The following SORBS2 variants were observed in gnomAD, a reference collection of about 807,000 sequenced individuals.
The protein encoded by SORBS2 is sorbin and SH3 domain containing 2.
SORBS2 carries 46 observed loss-of-function variants against 97.7 expected under a neutral mutation model. The observed-to-expected ratio is 0.47, with a 90% CI of 0.37 to 0.60. The LOEUF is 0.60. Ranked by LOEUF, SORBS2 falls within the 20% of genes least tolerant of loss-of-function variation. SORBS2 has a pLI of 0.00. For synonymous variants in SORBS2, 476 were observed against 473.4 expected (o/e 1.01, Z -0.07); for missense variants, 1,316 against 1,282.3 (o/e 1.03, Z -0.40).
At chr4:185,620,262 A>G in intron 7 of SORBS2, 111 bp from the exon 20 acceptor site, 1 of 742,718 alleles carries the variant, frequency 1.3e-6, no homozygotes, top group Non-Finnish European at 2.5e-6. Context: ...TTGGAGAGAC[A>G]CCGTTATCGA....
At chr4:185,663,459 T>G (rs1003240093) in intron 4 of SORBS2, among the ~76,000 whole-genome samples, 1 of 152,224 alleles carries the variant, frequency 6.6e-6, no homozygotes, top group Non-Finnish European at 1.5e-5. Context: ...GCTTATTGAT[T>G]AAATAATTCT....
intron 2 of SORBS2, chr4:185,651,790 T>A: frequency 6.6e-7 from 1 of 1,508,026 alleles, no homozygotes. Context: ...CTACCTGCAT[T>A]GTATGTATAA....
intron 2 of SORBS2, among the ~76,000 whole-genome samples, chr4:185,762,646 G>T (rs2098904527): frequency 6.6e-6 from 1 of 152,186 alleles, no homozygotes; most frequent in Non-Finnish European, 1.5e-5. Flanking sequence ...TAATCTAAAA[G>T]ACTTGTCTCC....
At chr4:185,727,442 C>G (rs1456717443) in intron 2 of SORBS2, among the ~76,000 whole-genome samples, 2 of 152,160 alleles carry the variant, frequency 1.3e-5, no homozygotes, top group Non-Finnish European at 2.9e-5. Flanking sequence ...ACGTTTGTGT[C>G]AGGCATTTAT....
chr4:185,846,134 C>T (rs2099214391), intron 1 of SORBS2, among the ~76,000 whole-genome samples: 1 of 152,148 alleles, frequency 6.6e-6, no homozygotes, highest in Admixed American at 6.5e-5. Flanking sequence ...GTCACTAAAA[C>T]CTGGAAACAA....
At chr4:185,836,387 T>G (rs924140679) in intron 1 of SORBS2, among the ~76,000 whole-genome samples, 1 of 152,176 alleles carries the variant, frequency 6.6e-6, no homozygotes, top group African/African-American at 2.4e-5. Context: ...GGTCAGTTTA[T>G]AGGAGAGGTC....
At chr4:185,677,574 C>A (rs963937771) in intron 4 of SORBS2, 4 of 1,542,824 alleles carry the variant, frequency 2.6e-6, no homozygotes, top group African/African-American at 2.7e-5. Context: ...TAAAATGACA[C>A]CCTTTGTGTG....
intron 2 of SORBS2, among the ~76,000 whole-genome samples, chr4:185,755,788 A>C (rs773297109): frequency 2.6e-5 from 4 of 152,180 alleles, no homozygotes; most frequent in Non-Finnish European, 4.4e-5. Context: ...CCCTTTAACT[A>C]TACATAAGAA....
intron 4 of SORBS2, among the ~76,000 whole-genome samples, chr4:185,668,800 T>C (rs2097661375): frequency 6.6e-6 from 1 of 152,212 alleles, no homozygotes; most frequent in South Asian, 2.1e-4. Context: ...GGTCTCCTTC[T>C]TTTCAAGACC....
chr4:185,842,930 TAAAAAA>T (rs56193107), intron 1 of SORBS2, among the ~76,000 whole-genome samples: 1 of 122,386 alleles, frequency 8.2e-6, no homozygotes, highest in African/African-American at 3.1e-5. Context: ...AAAGACTGTC[TAAAAAA>T]AAAAAAAAAA....
At chr4:185,851,593 T>C (rs971738065) in intron 1 of SORBS2, among the ~76,000 whole-genome samples, 5 of 152,152 alleles carry the variant, frequency 3.3e-5, no homozygotes, top group African/African-American at 9.7e-5. Context: ...AAAGTGTTAA[T>C]CCTGGGTGTG....
At chr4:185,913,721 T>C (rs2099256581) in intron 1 of SORBS2, among the ~76,000 whole-genome samples, 1 of 152,200 alleles carries the variant, frequency 6.6e-6, no homozygotes, top group Non-Finnish European at 1.5e-5. Context: ...ATTTTAAAAC[T>C]AGAAGAGATT....
rs146392392 is a variant in SORBS2, at chr4:185,717,394, C to G, written c.-197-38572G>C. ...GAGACTAAGGGAGCCATGGATATCT[C>G]TGTAGCAGAAACATGGCAACTATTA... On this transcript the variant is annotated intron_variant, in intron 2 of 20. Transcript: ENST00000284776. 9.1e-4 allele frequency among the ~76,000 whole-genome samples: 138 copies of G among 152,346 alleles called. 1 individual carries two copies. The highest frequency in any genetic ancestry group is 2.8e-3 in the Admixed American group (43 of 15,302).
At position 185,905,439 on chromosome 4, in the gene SORBS2, G is replaced by A. The variant is rs549015384; in HGVS notation, c.-338+50757C>T. 9.2e-5 allele frequency among the ~76,000 whole-genome samples: 14 copies of A among 152,246 alleles called. No homozygotes were observed. The South Asian group carries it at 2.9e-3, about 32-fold the overall frequency. Reference sequence around the variant, plus strand: ...TTTTTATACAGAGGTCTACTAAAATGTTTTGGCTCTGAAAAATGACTCTCA... The same window carrying A: ...TTTTTATACAGAGGTCTACTAAAATATTTTGGCTCTGAAAAATGACTCTCA... On this transcript the variant is annotated intron_variant, in intron 1 of 20. Transcript: ENST00000284776.
rs766186495 is a variant in SORBS2 at position 185,626,768 on chromosome 4, C to T, written c.634+64G>A. ...ATGCCACTATCACTGGGCCAGCTTT[C>T]ACACAGTGCTCTAGGCTAAAACGTA... On this transcript the variant is annotated intron_variant, in intron 6 of 14. Coordinates refer to ENST00000418609, the Ensembl canonical transcript of SORBS2. 4.0e-6 allele frequency: 6 copies of T among 1,513,930 alleles called. No individual in the cohort carries two copies. In the East Asian group the frequency reaches 9.0e-5, roughly 23 times the overall value. The allele number at this position is 1,513,930 out of a possible 1,614,324, so 93.8% of individuals were successfully genotyped here.
At chr4:185,915,367 T>C (rs941939971) in intron 1 of SORBS2, among the ~76,000 whole-genome samples, 2 of 152,140 alleles carry the variant, frequency 1.3e-5, no homozygotes, top group African/African-American at 4.8e-5. Context: ...AAAATGAAGG[T>C]CTTGGGAACA....
chr4:185,848,755 G>C (rs1455142664), intron 1 of SORBS2, among the ~76,000 whole-genome samples: 1 of 150,064 alleles, frequency 6.7e-6, no homozygotes, highest in Admixed American at 6.7e-5. Flanking sequence ...TGGGACTACA[G>C]GCAGCCACCA....
intron 1 of SORBS2, among the ~76,000 whole-genome samples, chr4:185,924,972 C>T (rs1403410529): frequency 1.3e-5 from 2 of 152,138 alleles, no homozygotes; most frequent in Non-Finnish European, 2.9e-5. Context: ...CTTGTTCCCA[C>T]CCCAAAAATC....
In SORBS2 at chr4:185,614,546, C is replaced by T. The variant is rs547237244; in HGVS notation, c.2595+285G>A. The T allele has an allele frequency of 5.4e-4, 183 of 340,268 alleles. 2 individuals carry two copies. Among genetic ancestry groups the T allele is most frequent in the Non-Finnish European group, 8.3e-4 (156 of 188,516 alleles). The allele number at this position is 340,268 out of a possible 1,614,324, so 21.1% of individuals were successfully genotyped here. The stretch of plus-strand genomic sequence containing the variant: ...AAACTGCTTTTTCCTTTTGTGCTCC[C>T]GAATGTATAAGTCCTTGATTTTCAG... On this transcript the variant is annotated intron_variant, in intron 11 of 14. Coordinates refer to ENST00000418609, the Ensembl canonical transcript of SORBS2.
Sources: allele counts gnomAD v4.1 joint callset (sites outside exome capture counted in the v4.1 genomes callset), GRCh38; gene constraint gnomAD v4.1.1; transcripts MANE v1.5; gene names NCBI Gene and HGNC (gene_info 2026-07-23, HGNC 2026-07-21).